Variants in LGR6 observed in about 807,000 individuals in gnomAD.
LGR6 encodes the protein leucine-rich repeat-containing G protein-coupled receptor 6.
LGR6 carries 45 observed loss-of-function variants against 69.4 expected under a neutral mutation model. The observed-to-expected ratio is 0.65, with a 90% CI of 0.51 to 0.83. The LOEUF (loss-of-function observed/expected upper bound fraction) is 0.83. LGR6 is among the 40% of genes least tolerant of loss of function. The probability of loss-of-function intolerance (pLI) is 0.00; values close to 1 mark genes in which losing one functional copy is unlikely to be tolerated. For missense variants in LGR6, 1,108 were observed against 1,246.7 expected, an observed-to-expected ratio of 0.89 and a Z score of 1.68; for synonymous variants, 538 against 555.0, an observed-to-expected ratio of 0.97 and a Z score of 0.43.
intron 6 of LGR6, among the ~76,000 whole-genome samples, chr1:202,293,523 C>T (rs768525719): frequency 6.6e-6 from 1 of 151,934 alleles, no homozygotes; most frequent in Non-Finnish European, 1.5e-5. Context: ...TTAAACCCAT[C>T]TCTCTACCTT....
intron 3 of LGR6, among the ~76,000 whole-genome samples, chr1:202,231,685 T>C (rs1661087305): frequency 6.6e-6 from 1 of 152,258 alleles, no homozygotes; most frequent in South Asian, 2.1e-4. Flanking sequence ...TTCATACACA[T>C]GATGATCGGT....
intron 4 of LGR6, among the ~76,000 whole-genome samples, chr1:202,244,490 G>A (rs559427002): frequency 6.6e-6 from 1 of 152,178 alleles, no homozygotes; most frequent in Admixed American, 6.5e-5. Context: ...GCTGGGGTGG[G>A]TGCTTCTTTG....
chr1:202,319,350 C>A lies in LGR6; in HGVS notation c.*143C>A. 1.1e-6 allele frequency: 1 copy of A among 891,098 alleles called. No homozygotes were observed. Among genetic ancestry groups the A allele is most frequent in the Non-Finnish European group, 1.6e-6 (1 of 609,178 alleles). 55.2% of individuals were successfully genotyped at this position (891,098 alleles called of 1,614,324 possible). A position where few individuals can be genotyped will look rare whatever the true frequency, so the allele number is the denominator to read the frequency against. ...TGGCCCAGTCCCTGGCTCCACTGAT[C>A]ACCTCTCTCCTGTGACCATCACCAA... is the stretch of plus-strand genomic sequence containing the variant. On this transcript the variant is annotated 3_prime_UTR_variant, in exon 18 of 18. Transcript: ENST00000367278.
intron 10 of LGR6, 37 bp downstream of exon 10, chr1:202,303,384 C>G (rs953232050): frequency 2.6e-6 from 4 of 1,530,748 alleles, no homozygotes; most frequent in Non-Finnish European, 9.1e-7. Context: ...ATCTATCGCC[C>G]CAGCTTCATT....
chr1:202,293,310 T>C (rs1349842996), intron 6 of LGR6, among the ~76,000 whole-genome samples: 1 of 152,218 alleles, frequency 6.6e-6, no homozygotes, highest in East Asian at 1.9e-4. Context: ...CTCTCTCTTC[T>C]TGATCCATTC....
intron 1 of LGR6, among the ~76,000 whole-genome samples, chr1:202,202,597 G>T (rs1658875600): frequency 1.3e-5 from 2 of 152,354 alleles, no homozygotes; most frequent in South Asian, 4.1e-4. Flanking sequence ...TGGGCATACG[G>T]AAAGATGTTT....
At chr1:202,251,027 G>A (rs1295979179) in intron 4 of LGR6, among the ~76,000 whole-genome samples, 2 of 152,224 alleles carry the variant, frequency 1.3e-5, no homozygotes, top group African/African-American at 2.4e-5. Flanking sequence ...GCTCTCTGCT[G>A]TCGTGTTTCG....
rs1004508116 is a variant in LGR6 at position 202,268,612 on chromosome 1, G to C, written c.429-7694G>C. The stretch of plus-strand genomic sequence containing the variant: ...GTCAGCTATGTAGCCAAGTAGGGGT[G>C]GGGGGTTCAGAGATGAAAACCAGCC... On this transcript the variant is annotated intron_variant, in intron 4 of 17. Transcript: ENST00000367278. The surrounding 1 kb of genome is among the most constrained non-coding windows in gnomAD (Gnocchi z 4.4). Among the ~76,000 whole-genome samples the C allele has an allele frequency of 2.6e-5, 4 of 152,184 alleles. No homozygotes were observed. Among genetic ancestry groups the C allele is most frequent in the African/African-American group, 7.2e-5 (3 of 41,436 alleles).
At chr1:202,312,109 C>T (rs916608999) in intron 16 of LGR6, among the ~76,000 whole-genome samples, 2 of 152,224 alleles carry the variant, frequency 1.3e-5, no homozygotes, top group Non-Finnish European at 2.9e-5. Flanking sequence ...CACAGGGCGT[C>T]AAGATCGTGG....
chr1:202,288,223 T>C (rs1571970659), intron 6 of LGR6, among the ~76,000 whole-genome samples: 1 of 152,206 alleles, frequency 6.6e-6, no homozygotes, highest in Non-Finnish European at 1.5e-5. Context: ...AGGACTTTGC[T>C]CAAATGTCAC....
Position 202,236,004 on chromosome 1 carries a change from A to G in LGR6, c.428+11A>G. 1 of 1,612,548 alleles carries G rather than the reference A, an allele frequency of 6.2e-7. No individual in the cohort carries two copies. The highest frequency in any genetic ancestry group is 8.5e-7 in the Non-Finnish European group (1 of 1,178,924). ...GAGCCTGCAGTCGCTGTGAGTCATT[A>G]GAGGGCTGGTCTGGGAGTCACCAGC... On this transcript the variant is annotated intron_variant, in intron 4 of 17. Transcript: ENST00000367278.
At chr1:202,280,325 T>A (rs1665907151) in intron 5 of LGR6, among the ~76,000 whole-genome samples, 1 of 152,144 alleles carries the variant, frequency 6.6e-6, no homozygotes, top group Admixed American at 6.5e-5. Flanking sequence ...TGTAGCTCTC[T>A]CCAGTTGTAA....
In LGR6 at chr1:202,220,169, C is replaced by T. The variant is rs140597459; in HGVS notation, c.213-5254C>T. Reference sequence around the variant, plus strand: ...TGCTGGGATTACAGGCATGAGCCACCGCGCCCGGCCAGCACTGTGTTTTAT... The same window carrying T: ...TGCTGGGATTACAGGCATGAGCCACTGCGCCCGGCCAGCACTGTGTTTTAT... On this transcript the variant is annotated intron_variant, in intron 1 of 17. Coordinates refer to ENST00000367278, the MANE Select transcript of LGR6 (RefSeq NM_001017403.2). Among the ~76,000 whole-genome samples, 1,111 of 152,098 alleles carry T rather than the reference C, an allele frequency of 7.3e-3. 16 individuals are homozygous for T. The highest frequency in any genetic ancestry group is 0.025 in the African/African-American group (1,055 of 41,464).
At chr1:202,199,025 G>A (rs1350331308) in intron 1 of LGR6, among the ~76,000 whole-genome samples, 9 of 152,112 alleles carry the variant, frequency 5.9e-5, no homozygotes, top group Non-Finnish European at 1.3e-4. Context: ...TCTCTCAGTT[G>A]CTATGAGACC....
chr1:202,278,084 G>T (rs1048339466), intron 5 of LGR6, among the ~76,000 whole-genome samples: 2 of 152,128 alleles, frequency 1.3e-5, no homozygotes, highest in African/African-American at 4.8e-5. Context: ...CTCTCTGCTC[G>T]TGTGGGAGGG....
chr1:202,194,331 C>T (rs1658551442), intron 1 of LGR6, 130 bp downstream of exon 1: 3 of 622,134 alleles, frequency 4.8e-6, no homozygotes, highest in Admixed American at 3.4e-5. Flanking sequence ...TTGCCCCCTT[C>T]CAAGTTGACC....
intron 1 of LGR6, among the ~76,000 whole-genome samples, chr1:202,217,062 C>T (rs1049822248): frequency 1.3e-5 from 2 of 152,230 alleles, no homozygotes; most frequent in Admixed American, 6.5e-5. Context: ...GAGATGTCCC[C>T]TCAGCCTGCG....
intron 4 of LGR6, among the ~76,000 whole-genome samples, chr1:202,263,819 G>A (rs753656783): frequency 1.3e-5 from 2 of 152,156 alleles, no homozygotes; most frequent in Non-Finnish European, 2.9e-5. Context: ...AAGAGGTAAG[G>A]CAAGAGGCAC....
intron 3 of LGR6, among the ~76,000 whole-genome samples, chr1:202,235,201 T>C (rs1033695041): frequency 3.3e-5 from 5 of 152,142 alleles, no homozygotes; most frequent in Non-Finnish European, 7.4e-5. Flanking sequence ...TCTCTGACCC[T>C]CTACCCTACA....
Sources: gnomAD v4.1 joint callset for allele counts (sites outside exome capture counted in the v4.1 genomes callset) on GRCh38, gnomAD v4.1.1 for gene constraint, Gnocchi (gnomAD v3.1) non-coding constraint, MANE v1.5 for transcripts, NCBI Gene and HGNC (gene_info 2026-07-23, HGNC 2026-07-21) for gene names.